Variants in CACNB2 observed in about 807,000 individuals in gnomAD.
CACNB2 encodes calcium voltage-gated channel auxiliary subunit beta 2, also known as voltage-dependent L-type calcium channel subunit beta-2.
CACNB2 carries 42 observed loss-of-function variants against 73.3 expected under a neutral mutation model. The observed-to-expected ratio is 0.57, with a 90% CI of 0.45 to 0.74. CACNB2 has a LOEUF of 0.74. Among genes scored for constraint, CACNB2 ranks in the 30% least tolerant of loss-of-function variants. The probability of loss-of-function intolerance (pLI) is 0.00; values close to 1 mark genes in which losing one functional copy is unlikely to be tolerated. For missense variants in CACNB2, 940 were observed against 853.0 expected (o/e 1.10, Z -1.27); for synonymous variants, 348 against 310.3 (o/e 1.12, Z -1.28).
chr10:18,377,458 C>G (rs1430448060), intron 2 of CACNB2, among the ~76,000 whole-genome samples: 1 of 152,158 alleles, frequency 6.6e-6, no homozygotes, highest in Admixed American at 6.6e-5. Flanking sequence ...TGTGTTGCAA[C>G]CACTCAGTTC....
chr10:18,208,114 C>G (rs1056127954), intron 2 of CACNB2, among the ~76,000 whole-genome samples: 11 of 152,272 alleles, frequency 7.2e-5, no homozygotes, highest in African/African-American at 2.6e-4. Context: ...CCCTAAAACC[C>G]AAACAGGTAA....
chr10:18,431,459 T>C (rs1328759856), intron 3 of CACNB2, among the ~76,000 whole-genome samples: 1 of 152,166 alleles, frequency 6.6e-6, no homozygotes, highest in African/African-American at 2.4e-5. Context: ...TGGTTACTGC[T>C]TGTGAGAGAA....
chr10:18,362,734 T>C (rs1434640438), intron 2 of CACNB2, among the ~76,000 whole-genome samples: 3 of 152,066 alleles, frequency 2.0e-5, no homozygotes, highest in Non-Finnish European at 2.9e-5. Context: ...CTGGCCAACA[T>C]GGTGAAAACC....
At chr10:18,420,312 C>T (rs896731829) in intron 3 of CACNB2, among the ~76,000 whole-genome samples, 2 of 121,890 alleles carry the variant, frequency 1.6e-5, no homozygotes, top group South Asian at 5.6e-4. Context: ...GATAAACACA[C>T]ATACACACAC....
At chr10:18,518,268 C>G (rs1410797680) in intron 7 of CACNB2, 68 bp from the exon 8 acceptor site, 7 of 1,042,426 alleles carry the variant, frequency 6.7e-6, no homozygotes, top group Non-Finnish European at 9.1e-6. Flanking sequence ...AGAAAGAGTA[C>G]CTTATACACA....
intron 3 of CACNB2, among the ~76,000 whole-genome samples, chr10:18,463,728 G>A (rs2047712507): frequency 6.6e-6 from 1 of 151,968 alleles, no homozygotes; most frequent in South Asian, 2.1e-4. Flanking sequence ...ACCGTGCCTG[G>A]CCCCAAGAGT....
intron 2 of CACNB2, among the ~76,000 whole-genome samples, chr10:18,290,072 T>G (rs1028022543): frequency 1.5e-4 from 23 of 150,944 alleles, no homozygotes; most frequent in African/African-American, 5.6e-4. Flanking sequence ...CTCTGTATCT[T>G]AATTTCCTTC....
chr10:18,254,745 G>C (rs997468869), intron 2 of CACNB2, among the ~76,000 whole-genome samples: 7 of 152,212 alleles, frequency 4.6e-5, no homozygotes, highest in Non-Finnish European at 8.8e-5. Flanking sequence ...ACCCTAAGGA[G>C]AGAAATGAGG....
At chr10:18,160,057 A>T (rs1430096276) in intron 2 of CACNB2, among the ~76,000 whole-genome samples, 1 of 152,208 alleles carries the variant, frequency 6.6e-6, no homozygotes, top group Non-Finnish European at 1.5e-5. Flanking sequence ...ATACTATTAA[A>T]ACATTTTACT....
intron 2 of CACNB2, among the ~76,000 whole-genome samples, chr10:18,364,298 TA>T (rs1358706236): frequency 7.4e-5 from 8 of 108,170 alleles, no homozygotes; most frequent in Non-Finnish European, 1.3e-4. Flanking sequence ...GATTTTTAAC[TA>T]ATTTTTTTTT....
rs747748801 is a variant in CACNB2 at position 18,182,715 on chromosome 10, G to A, written c.213+31740G>A. Among the ~76,000 whole-genome samples the A allele has an allele frequency of 3.4e-4, 51 of 151,650 alleles. 1 individual carries two copies. Among genetic ancestry groups the A allele is most frequent in the Non-Finnish European group, 4.4e-4 (30 of 67,840 alleles). On this transcript the variant is annotated intron_variant, in intron 2 of 13. Coordinates refer to ENST00000324631, the MANE Select transcript of CACNB2 (RefSeq NM_201596.3). The stretch of plus-strand genomic sequence containing the variant: ...CGTGCACCTGTAATCCCTGCTACTC[G>A]GGAGGCTGAGGCAGGAGAATTGCTG...
chr10:18,436,123 GT>G (rs2046126339), intron 3 of CACNB2, among the ~76,000 whole-genome samples: 1 of 152,218 alleles, frequency 6.6e-6, no homozygotes, highest in Non-Finnish European at 1.5e-5. Flanking sequence ...GATAAAAGTT[GT>G]TGGCTATTAC....
At chr10:18,191,035 G>A (rs1002567886) in intron 2 of CACNB2, among the ~76,000 whole-genome samples, 1 of 152,226 alleles carries the variant, frequency 6.6e-6, no homozygotes, top group African/African-American at 2.4e-5. Context: ...TGCCTTAGAA[G>A]GTTACAGTAA....
In CACNB2 at chr10:18,539,621, G is replaced by C; in HGVS notation, c.1880G>C (p.Arg627Pro). The change falls in exon 14 of 14, where the codon CGT becomes CCT. Residue 627 changes from arginine (R) to proline (P), a missense_variant. By Grantham distance (103) the Arg-to-Pro change is moderately radical (BLOSUM62 -2). Transcript: ENST00000324631. ...DHNECNKQRS[R>P]HKSKDRYCEK... ...AACGAGTGCAACAAGCAGCGCAGCC[G>C]TCATAAATCCAAGGATCGCTACTGT... 2 of 1,613,616 alleles carry C rather than the reference G, an allele frequency of 1.2e-6. No homozygotes were observed. Among genetic ancestry groups the C allele is most frequent in the Non-Finnish European group, 1.7e-6 (2 of 1,179,816 alleles).
At chr10:18,268,587 A>G (rs545085375) in intron 2 of CACNB2, among the ~76,000 whole-genome samples, 1 of 152,232 alleles carries the variant, frequency 6.6e-6, no homozygotes, top group Non-Finnish European at 1.5e-5. Context: ...TGGTGTTTGC[A>G]TGAGTAGAGG....
intron 2 of CACNB2, among the ~76,000 whole-genome samples, chr10:18,389,133 T>C (rs1031922631): frequency 1.3e-4 from 20 of 152,234 alleles, no homozygotes; most frequent in Middle Eastern, 3.4e-3. Context: ...CCTTATCTCT[T>C]CTGTTACTGT....
chr10:18,185,298 T>C (rs78511830), intron 2 of CACNB2, among the ~76,000 whole-genome samples: 2 of 152,346 alleles, frequency 1.3e-5, no homozygotes, highest in East Asian at 3.9e-4. Flanking sequence ...AAAAGTTTGT[T>C]GGTAGCTTGA....
intron 3 of CACNB2, among the ~76,000 whole-genome samples, chr10:18,465,838 G>A (rs1213504480): frequency 6.6e-6 from 1 of 151,610 alleles, no homozygotes; most frequent in South Asian, 2.1e-4. Flanking sequence ...CCACCACCTC[G>A]CCCAGCTAAT....
chr10:18,368,138 T>C (rs1309470161), intron 2 of CACNB2, among the ~76,000 whole-genome samples: 1 of 152,278 alleles, frequency 6.6e-6, no homozygotes, highest in African/African-American at 2.4e-5. Context: ...AGCTCCTAAT[T>C]TGGTGTCTTT....
Sources: allele counts gnomAD v4.1 joint callset (sites outside exome capture counted in the v4.1 genomes callset), GRCh38; gene constraint gnomAD v4.1.1; transcripts MANE v1.5; gene names NCBI Gene and HGNC (gene_info 2026-07-23, HGNC 2026-07-21).